Variants in SUCLG2 observed in about 807,000 individuals in gnomAD.
SUCLG2 encodes the protein succinate-CoA ligase GDP-forming subunit beta.
A neutral mutation model predicts 47.9 loss-of-function variants in SUCLG2; 42 were observed. The ratio of observed to expected loss-of-function variants is 0.88; its 90% confidence interval spans 0.69 to 1.14. The LOEUF (loss-of-function observed/expected upper bound fraction) is 1.14, where lower values mean the gene tolerates loss of function less well. Ranked by LOEUF, SUCLG2 falls within the 50% of genes most tolerant of loss-of-function variation. The probability of loss-of-function intolerance (pLI) is 0.00; values close to 1 mark genes in which losing one functional copy is unlikely to be tolerated. For synonymous variants in SUCLG2, 195 were observed against 197.3 expected (o/e 0.99, Z 0.10); for missense variants, 571 against 525.9 (o/e 1.09, Z -0.84).
rs756674869 is a variant in SUCLG2 at position 67,563,959 on chromosome 3, C to CAA, written c.227-34775_227-34774dup. 6.2e-3 allele frequency among the ~76,000 whole-genome samples: 480 copies of CAA among 78,028 alleles called. 3 individuals carry two copies. The highest frequency in any genetic ancestry group is 0.02 in the African/African-American group (435 of 21,910). 51.2% of individuals were successfully genotyped at this position (78,028 alleles called of 152,430 possible). On this transcript the variant is annotated intron_variant, in intron 2 of 10. Coordinates refer to ENST00000307227, the MANE Select transcript of SUCLG2 (RefSeq NM_003848.4). ...TGGACAACAGAGTGAGACTCTGTCT[C>CAA]AAAAAAAAAAAAAAAAAAAGAAAAA...
chr3:67,425,765 A>G (rs902900378), intron 9 of SUCLG2, among the ~76,000 whole-genome samples: 2 of 152,180 alleles, frequency 1.3e-5, no homozygotes, highest in African/African-American at 4.8e-5. Flanking sequence ...ACCTTATAAT[A>G]AATCTCTTTA....
At chr3:67,614,892 G>C (rs1700596847) in intron 1 of SUCLG2, among the ~76,000 whole-genome samples, 1 of 152,074 alleles carries the variant, frequency 6.6e-6, no homozygotes, top group Non-Finnish European at 1.5e-5. Context: ...CCTTCACATG[G>C]ATTTTGGCAA....
intron 2 of SUCLG2, among the ~76,000 whole-genome samples, chr3:67,542,364 C>T (rs1290896781): frequency 6.6e-6 from 1 of 152,136 alleles, no homozygotes; most frequent in Non-Finnish European, 1.5e-5. Flanking sequence ...CCGGAACAGC[C>T]ACTGCAAAAA....
intron 10 of SUCLG2, among the ~76,000 whole-genome samples, chr3:67,399,598 G>A (rs1007101326): frequency 1.3e-5 from 2 of 152,026 alleles, no homozygotes; most frequent in Admixed American, 6.6e-5. Context: ...TAATATGATG[G>A]TGGTAATATT....
intron 9 of SUCLG2, among the ~76,000 whole-genome samples, chr3:67,448,123 T>G (rs1030245572): frequency 1.3e-5 from 2 of 152,150 alleles, no homozygotes; most frequent in African/African-American, 4.8e-5. Flanking sequence ...ATACAAAAGT[T>G]CATAAGGATA....
At chr3:67,649,778 A>C (rs1411435314) in intron 1 of SUCLG2, among the ~76,000 whole-genome samples, 2 of 152,252 alleles carry the variant, frequency 1.3e-5, no homozygotes, top group African/African-American at 4.8e-5. Flanking sequence ...AAGTAACAGA[A>C]AGTGATGCAT....
chr3:67,533,687 C>A (rs1439105645), intron 2 of SUCLG2, among the ~76,000 whole-genome samples: 1 of 152,102 alleles, frequency 6.6e-6, no homozygotes, highest in African/African-American at 2.4e-5. Flanking sequence ...GAAATGAGCT[C>A]ACTTCTATGT....
intron 1 of SUCLG2, among the ~76,000 whole-genome samples, chr3:67,633,910 A>G (rs1445342868): frequency 6.6e-6 from 1 of 152,070 alleles, no homozygotes; most frequent in Non-Finnish European, 1.5e-5. Context: ...TATTTTATAT[A>G]TTTTGTCCAC....
intron 9 of SUCLG2, among the ~76,000 whole-genome samples, chr3:67,427,977 G>A (rs947897373): frequency 2.0e-5 from 3 of 152,186 alleles, no homozygotes; most frequent in Non-Finnish European, 2.9e-5. Flanking sequence ...AGCTTGAACT[G>A]GGTGGAGCCC....
intron 2 of SUCLG2, among the ~76,000 whole-genome samples, chr3:67,567,626 CT>C (rs368114387): frequency 2.6e-5 from 4 of 152,284 alleles, no homozygotes; most frequent in African/African-American, 9.6e-5. Context: ...AATCTGAAAA[CT>C]TTTTTGGCAA....
At chr3:67,504,255 G>T (rs1386743850) in intron 7 of SUCLG2, among the ~76,000 whole-genome samples, 3 of 151,570 alleles carry the variant, frequency 2.0e-5, no homozygotes, top group Non-Finnish European at 2.9e-5. Flanking sequence ...GGGTGGGTAG[G>T]GGGGTTGGGG....
At chr3:67,514,985 C>T (rs1353162261) in intron 6 of SUCLG2, among the ~76,000 whole-genome samples, 1 of 152,094 alleles carries the variant, frequency 6.6e-6, no homozygotes, top group African/African-American at 2.4e-5. Flanking sequence ...AGTAGATGTC[C>T]CTCACGAAGT....
chr3:67,458,399 A>C (rs899657992), intron 9 of SUCLG2, among the ~76,000 whole-genome samples: 4 of 152,148 alleles, frequency 2.6e-5, no homozygotes, highest in Admixed American at 6.5e-5. Context: ...CGCCTCCTAT[A>C]ATAAGTCGAG....
intron 2 of SUCLG2, among the ~76,000 whole-genome samples, chr3:67,531,939 C>T (rs1477907780): frequency 6.6e-6 from 1 of 152,106 alleles, no homozygotes; most frequent in Admixed American, 6.5e-5. Context: ...ATTTAAAGAT[C>T]TGATCTCTCC....
intron 1 of SUCLG2, among the ~76,000 whole-genome samples, chr3:67,614,337 C>T (rs1013435984): frequency 3.9e-5 from 6 of 151,968 alleles, no homozygotes; most frequent in Admixed American, 2.0e-4. Context: ...GGTGTAACAG[C>T]ATCTCCTCTG....
intron 9 of SUCLG2, among the ~76,000 whole-genome samples, chr3:67,456,043 G>C (rs1411334294): frequency 1.4e-5 from 2 of 138,108 alleles, no homozygotes; most frequent in Non-Finnish European, 3.1e-5. Flanking sequence ...GAGACTATTG[G>C]GATACCAAGT....
At chr3:67,495,224 C>T (rs890488746) in intron 9 of SUCLG2, among the ~76,000 whole-genome samples, 1 of 152,146 alleles carries the variant, frequency 6.6e-6, no homozygotes, top group Non-Finnish European at 1.5e-5. Flanking sequence ...TTCATGCCAA[C>T]CAATGTTTCG....
chr3:67,618,791 G>C (rs9845918), intron 1 of SUCLG2, among the ~76,000 whole-genome samples: 3,396 of 152,268 alleles, frequency 0.022, 127 homozygotes, highest in African/African-American at 0.077. Flanking sequence ...TAATAATAAT[G>C]ACGATATGGT....
chr3:67,615,518 C>T (rs1411822375), intron 1 of SUCLG2, among the ~76,000 whole-genome samples: 1 of 151,886 alleles, frequency 6.6e-6, no homozygotes, highest in Non-Finnish European at 1.5e-5. Context: ...TTAGAAAGAG[C>T]CCAGGACTTA....
Sources: allele counts gnomAD v4.1 joint callset (sites outside exome capture counted in the v4.1 genomes callset), GRCh38; gene constraint gnomAD v4.1.1; transcripts MANE v1.5; gene names NCBI Gene and HGNC (gene_info 2026-07-23, HGNC 2026-07-21).